The following LRPAP1 variants were observed in gnomAD, a reference collection of about 807,000 sequenced individuals.
LRPAP1 encodes alpha-2-macroglobulin receptor-associated protein.
In LRPAP1, 41 loss-of-function variants were observed where a neutral mutation model predicts 39.9. The ratio of observed to expected loss-of-function variants is 1.03; its 90% confidence interval spans 0.80 to 1.33. The LOEUF is 1.33. Ranked by LOEUF, LRPAP1 falls within the 40% of genes most tolerant of loss-of-function variation. The pLI is 0.00. For synonymous variants in LRPAP1, 263 were observed against 212.7 expected (o/e 1.24, Z -2.06); for missense variants, 565 against 482.3 (o/e 1.17, Z -1.61).
rs751267591 is a variant in LRPAP1, at chr4:3,520,152, G to A, written c.391C>T (p.Arg131Trp). The A allele has an allele frequency of 3.7e-6, 6 of 1,614,182 alleles. No homozygotes were observed. Among genetic ancestry groups the A allele is most frequent in the Middle Eastern group, 1.7e-4 (1 of 6,048 alleles). The change falls in exon 3 of 8, where the codon CGG (arginine) becomes TGG (tryptophan). Residue 131 changes from arginine to tryptophan, a missense_variant. Arg to Trp is a moderately radical substitution (Grantham distance 101, BLOSUM62 -3). Transcript: ENST00000650182. Reference protein sequence around the residue: ...KYGLDGKKDARQVTSNSLSGT... With the variant: ...KYGLDGKKDAWQVTSNSLSGT... ...CTGAGGGAGTTGCTGGTCACCTGCC[G>A]AGCGTCCTTCTTTCCGTCCAGACCA... is the stretch of plus-strand genomic sequence containing the variant.
At chr4:3,515,987 T>G in intron 6 of LRPAP1, 129 bp downstream of exon 6, 1 of 913,392 alleles carries the variant, frequency 1.1e-6, no homozygotes. Context: ...CACCGAGTGG[T>G]TAAGGAAGAA....
At chr4:3,524,533 C>T (rs1035554684) in intron 2 of LRPAP1, among the ~76,000 whole-genome samples, 2 of 152,248 alleles carry the variant, frequency 1.3e-5, no homozygotes, top group Non-Finnish European at 2.9e-5. Flanking sequence ...ACTGAGACCA[C>T]GGCCAAGGGC....
chr4:3,532,319 C>A lies in LRPAP1; in HGVS notation c.94G>T (p.Gly32Cys), dbSNP rs752173014. Reference protein sequence around the residue: ...FLGPWPAASHGGKYSREKNQP... With the variant: ...FLGPWPAASHCGKYSREKNQP... The stretch of plus-strand genomic sequence containing the variant: ...TTCTTCTCCCGCGAGTACTTGCCGC[C>A]GTGGCTCGCAGCGGGCCAGGGCCCG... The change falls in exon 1 of 8, where the codon GGC becomes TGC. Residue 32 changes from glycine (G) to cysteine (C), a missense_variant. Physicochemically the swap from Gly to Cys is radical, Grantham distance 159 (BLOSUM62 -3). Transcript: ENST00000650182. The A allele has an allele frequency of 6.3e-7, 1 of 1,582,846 alleles. No individual in the cohort carries two copies.
chr4:3,514,446 G>A (rs1005898707), intron 7 of LRPAP1, among the ~76,000 whole-genome samples: 2 of 152,184 alleles, frequency 1.3e-5, no homozygotes, highest in Non-Finnish European at 2.9e-5. Flanking sequence ...CTGACTCATG[G>A]GCTGGCTGTG....
chr4:3,513,071 CG>C, intron 7 of LRPAP1, 35 bp from the exon 8 acceptor site: 1 of 1,564,278 alleles, frequency 6.4e-7, no homozygotes, highest in African/African-American at 1.4e-5. Context: ...CTGGGGACAG[CG>C]CGCCTCGAGG....
At chr4:3,528,694 G>A (rs1299753903) in intron 1 of LRPAP1, among the ~76,000 whole-genome samples, 2 of 152,204 alleles carry the variant, frequency 1.3e-5, no homozygotes, top group South Asian at 2.1e-4. Context: ...TTCCTGGCAC[G>A]CTGTACCTGT....
intron 2 of LRPAP1, among the ~76,000 whole-genome samples, chr4:3,520,890 G>A (rs924660029): frequency 6.6e-6 from 1 of 152,234 alleles, no homozygotes; most frequent in Non-Finnish European, 1.5e-5. Flanking sequence ...GGGGGACTCG[G>A]CATCTGTGGG....
intron 4 of LRPAP1, 148 bp from the exon 5 acceptor site, chr4:3,518,340 G>A (rs1729792250): frequency 1.3e-5 from 11 of 851,040 alleles, no homozygotes; most frequent in Middle Eastern, 2.5e-4. Flanking sequence ...CTGCAGCGCC[G>A]CAGAAACGAC....
Position 3,507,330 on chromosome 4 carries a change from C to T in LRPAP1, c.*5644G>A, listed in dbSNP as rs1729384607. 6.6e-6 allele frequency: 1 copy of T among 152,234 alleles called. No individual in the cohort carries two copies. Among genetic ancestry groups the T allele is most frequent in the Non-Finnish European group, 1.5e-5 (1 of 68,040 alleles). The allele number at this position is 152,234 out of a possible 1,614,324, so 9.4% of individuals were successfully genotyped here. A position where few individuals can be genotyped will look rare whatever the true frequency, so the allele number is the denominator to read the frequency against. ...TGGCCAAGAGCAGACAAAAAGGTGT[C>T]ATGCCTCTGGCACCAGGGAAGTGCA... On this transcript the variant is annotated 3_prime_UTR_variant, in exon 8 of 8. Transcript: ENST00000650182.
At chr4:3,527,972 T>G (rs1344610453) in intron 1 of LRPAP1, among the ~76,000 whole-genome samples, 1 of 152,128 alleles carries the variant, frequency 6.6e-6, no homozygotes, top group African/African-American at 2.4e-5. Flanking sequence ...GGGTCTAAAT[T>G]TCACACCGCA....
chr4:3,517,919 C>G, intron 5 of LRPAP1, 115 bp downstream of exon 5: 3 of 1,355,492 alleles, frequency 2.2e-6, no homozygotes, highest in South Asian at 2.9e-5. Context: ...CGAGGGTCTC[C>G]GCTGCGTCCA....
intron 2 of LRPAP1, among the ~76,000 whole-genome samples, chr4:3,523,944 G>A (rs986996116): frequency 5.9e-5 from 9 of 152,084 alleles, no homozygotes; most frequent in South Asian, 2.1e-4. Flanking sequence ...GGACTGTGCC[G>A]GGGGCCCAGG....
intron 1 of LRPAP1, among the ~76,000 whole-genome samples, chr4:3,526,015 CA>C (rs1730070387): frequency 6.6e-6 from 1 of 152,240 alleles, no homozygotes; most frequent in African/African-American, 2.4e-5. Context: ...CCGTGCAGAG[CA>C]GAGTGGCCCA....
intron 2 of LRPAP1, among the ~76,000 whole-genome samples, chr4:3,523,478 G>C (rs1180198737): frequency 6.6e-6 from 1 of 152,210 alleles, no homozygotes; most frequent in Non-Finnish European, 1.5e-5. Flanking sequence ...CCCGGGCGCA[G>C]CCACATGACA....
rs761677497 is a variant in LRPAP1, at chr4:3,518,886, G to C, written c.577C>G (p.Leu193Val). Residue 193 changes from leucine to valine, a missense_variant, in exon 4 of 8, where the codon CTG (leucine) becomes GTG (valine). Coordinates refer to ENST00000650182, the MANE Select transcript of LRPAP1 (RefSeq NM_002337.4). ...CGGGGGGCACCTTCGGTCCTGCTCA[G>C]GGTCTCCAGCAGGACGTTGTACTCG... ...VHEYNVLLET[L>V]SRTEEIHENV... The C allele has an allele frequency of 3.7e-6, 6 of 1,609,066 alleles. No individual in the cohort carries two copies. The highest frequency in any genetic ancestry group is 5.1e-6 in the Non-Finnish European group (6 of 1,178,268).
chr4:3,521,386 C>T (rs1729904849), intron 2 of LRPAP1, among the ~76,000 whole-genome samples: 1 of 152,204 alleles, frequency 6.6e-6, no homozygotes, highest in Non-Finnish European at 1.5e-5. Flanking sequence ...TCTGGGCCTT[C>T]ACCCGTGACC....
chr4:3,521,984 T>C (rs1439950454), intron 2 of LRPAP1, among the ~76,000 whole-genome samples: 1 of 152,140 alleles, frequency 6.6e-6, no homozygotes, highest in Non-Finnish European at 1.5e-5. Flanking sequence ...AATAAATAAA[T>C]AATTAAATAA....
rs1344017036 is a variant in LRPAP1, at chr4:3,506,945, G to A, written c.*6029C>T. On this transcript the variant is annotated 3_prime_UTR_variant, in exon 8 of 8. Coordinates refer to ENST00000650182, the MANE Select transcript of LRPAP1 (RefSeq NM_002337.4). ...ACGCTAAGACCAGGCTGGGTGTGGC[G>A]GCTCCCGCCACCTGTAATCCTGGCA... The A allele has an allele frequency of 1.3e-5, 2 of 152,220 alleles. No individual in the cohort carries two copies. Among genetic ancestry groups the A allele is most frequent in the African/African-American group, 2.4e-5 (1 of 41,454 alleles). The allele number at this position is 152,220 out of a possible 1,614,324, so 9.4% of individuals were successfully genotyped here.
In LRPAP1 at chr4:3,514,567, C is replaced by T. The variant is rs374474613; in HGVS notation, c.1011+185G>A. ...ACTGCACTACAAGCCCGGGGGGCTCCCCTAGCATGGCTGCTGTGGCCTTCA... is the reference window on the plus strand; with the variant it reads ...ACTGCACTACAAGCCCGGGGGGCTCTCCTAGCATGGCTGCTGTGGCCTTCA... On this transcript the variant is annotated intron_variant, in intron 7 of 7. Coordinates refer to ENST00000650182, the MANE Select transcript of LRPAP1 (RefSeq NM_002337.4). Among the ~76,000 whole-genome samples, 337 of 152,362 alleles carry T rather than the reference C, an allele frequency of 2.2e-3. 1 individual carries two copies. Among genetic ancestry groups the T allele is most frequent in the African/African-American group, 7.4e-3 (309 of 41,570 alleles).
Sources: allele counts gnomAD v4.1 joint callset (sites outside exome capture counted in the v4.1 genomes callset), GRCh38; gene constraint gnomAD v4.1.1; transcripts MANE v1.5; gene names NCBI Gene and HGNC (gene_info 2026-07-23, HGNC 2026-07-21).